The following SNX29 variants were observed in gnomAD, a reference collection of about 807,000 sequenced individuals.
The protein encoded by SNX29 is sorting nexin-29.
SNX29 carries 78 observed loss-of-function variants against 102.1 expected under a neutral mutation model. That is an observed-to-expected ratio of 0.76 (90% CI 0.64 to 0.92). SNX29 has a LOEUF of 0.92. Ranked by LOEUF, SNX29 falls within the 40% of genes least tolerant of loss-of-function variation. The pLI, the probability that SNX29 is intolerant of heterozygous loss-of-function variation, is 0.00. For synonymous variants in SNX29, 580 were observed against 414.5 expected (o/e 1.40, Z -4.85); for missense variants, 1,280 against 1,061.7 (o/e 1.21, Z -2.86).
chr16:12,212,466 G>A (rs1182442768), intron 14 of SNX29, among the ~76,000 whole-genome samples: 3 of 150,738 alleles, frequency 2.0e-5, no homozygotes, highest in East Asian at 1.9e-4. Flanking sequence ...GAACTGGAGC[G>A]GGAAAGGCAG....
At chr16:12,186,346 G>T (rs1348735673) in intron 13 of SNX29, among the ~76,000 whole-genome samples, 1 of 152,120 alleles carries the variant, frequency 6.6e-6, no homozygotes, top group African/African-American at 2.4e-5. Flanking sequence ...CTCTATTGGA[G>T]ACAGATTTAT....
intron 20 of SNX29, among the ~76,000 whole-genome samples, chr16:12,567,917 C>G (rs550631533): frequency 4.6e-5 from 7 of 152,316 alleles, no homozygotes; most frequent in Admixed American, 2.0e-4. Context: ...GGGACCCACA[C>G]ACGCTGTGTG....
In SNX29 at chr16:12,568,678, C is replaced by G. The variant is rs778943634; in HGVS notation, c.*49C>G. 2 of 1,583,638 alleles carry G rather than the reference C, an allele frequency of 1.3e-6. No homozygotes were observed. The highest frequency in any genetic ancestry group is 2.2e-5 in the South Asian group (2 of 89,714). Reference sequence around the variant, plus strand: ...GCCCTGTGCGTGGCACCAGCTGCGTCCACCCCAGCCACTGCCGCTGGCCCC... The same window carrying G: ...GCCCTGTGCGTGGCACCAGCTGCGTGCACCCCAGCCACTGCCGCTGGCCCC... On this transcript the variant is annotated 3_prime_UTR_variant, in exon 21 of 21. Transcript: ENST00000566228.
intron 16 of SNX29, among the ~76,000 whole-genome samples, chr16:12,393,285 C>G (rs1399506874): frequency 6.6e-6 from 1 of 150,926 alleles, no homozygotes; most frequent in African/African-American, 2.5e-5. Context: ...TGTCTCCAAA[C>G]TAACTTATCC....
chr16:12,461,681 G>C (rs79493164), intron 18 of SNX29, among the ~76,000 whole-genome samples: 2 of 151,724 alleles, frequency 1.3e-5, no homozygotes, highest in Non-Finnish European at 2.9e-5. Flanking sequence ...GGCTGGCCAG[G>C]TGCCATTGCT....
At chr16:12,365,455 C>T (rs568233385) in intron 16 of SNX29, among the ~76,000 whole-genome samples, 9 of 151,082 alleles carry the variant, frequency 6.0e-5, no homozygotes, top group African/African-American at 1.2e-4. Flanking sequence ...TTTGGGAGGC[C>T]GAGGCAGGAG....
rs919495096 is a variant in SNX29 at position 12,064,227 on chromosome 16, G to A, written c.1243+2581G>A. 6.6e-5 allele frequency among the ~76,000 whole-genome samples: 10 copies of A among 152,028 alleles called. No homozygotes were observed. The South Asian group carries it at 1.2e-3, about 19-fold the overall frequency. ...AGACATCCGGGTCAGCTCCTTTGCC[G>A]CTTAGCTGGGCCTCCTGAACCATCA... On this transcript the variant is annotated intron_variant, in intron 9 of 20. Coordinates refer to ENST00000566228, the MANE Select transcript of SNX29 (RefSeq NM_032167.5).
chr16:12,223,045 C>G (rs867670437), intron 14 of SNX29, among the ~76,000 whole-genome samples: 5 of 152,174 alleles, frequency 3.3e-5, no homozygotes, highest in African/African-American at 1.2e-4. Context: ...GACTCTGGCT[C>G]TTGTCTCCTT....
intron 3 of SNX29, among the ~76,000 whole-genome samples, chr16:12,005,915 A>T (rs2056435994): frequency 6.6e-6 from 1 of 152,238 alleles, no homozygotes; most frequent in African/African-American, 2.4e-5. Flanking sequence ...AGGAATACTG[A>T]ACCTATATAA....
intron 14 of SNX29, among the ~76,000 whole-genome samples, chr16:12,217,891 C>T (rs1279475189): frequency 5.3e-5 from 8 of 152,180 alleles, no homozygotes; most frequent in Non-Finnish European, 1.2e-4. Flanking sequence ...ACAGTAGATC[C>T]AGGCTTGTGA....
At chr16:12,366,251 G>T (rs2082476969) in intron 16 of SNX29, among the ~76,000 whole-genome samples, 1 of 152,036 alleles carries the variant, frequency 6.6e-6, no homozygotes, top group South Asian at 2.1e-4. Flanking sequence ...TTCTCCAAAG[G>T]GATGGGCTAG....
At chr16:12,016,674 T>C (rs2056858078) in intron 3 of SNX29, among the ~76,000 whole-genome samples, 1 of 152,242 alleles carries the variant, frequency 6.6e-6, no homozygotes, top group Non-Finnish European at 1.5e-5. Flanking sequence ...TGACTAATGA[T>C]GTTGGACATC....
At chr16:12,364,408 C>T (rs57739236) in intron 16 of SNX29, among the ~76,000 whole-genome samples, 7,855 of 118,378 alleles carry the variant, frequency 0.066, 333 homozygotes, top group African/African-American at 0.12. Context: ...GAATTTTTCT[C>T]TCTTCTTCTT....
At chr16:12,557,170 T>G (rs1018242029) in intron 20 of SNX29, 1 of 152,136 alleles carries the variant, frequency 6.6e-6, no homozygotes, top group Non-Finnish European at 1.5e-5. Context: ...TTTGGCTATG[T>G]TCAAGGTAGA....
At chr16:12,322,329 A>G (rs552874997) in intron 15 of SNX29, among the ~76,000 whole-genome samples, 1 of 152,232 alleles carries the variant, frequency 6.6e-6, no homozygotes, top group South Asian at 2.1e-4. Context: ...ATCAGGGGCT[A>G]TCGCAAGAGA....
intron 11 of SNX29, among the ~76,000 whole-genome samples, chr16:12,104,968 G>A (rs934059317): frequency 6.6e-6 from 1 of 152,216 alleles, no homozygotes; most frequent in African/African-American, 2.4e-5. Context: ...GATTTGAAGA[G>A]TTGGCTCCAA....
At chr16:12,089,040 C>G (rs1449080492) in intron 11 of SNX29, among the ~76,000 whole-genome samples, 1 of 151,062 alleles carries the variant, frequency 6.6e-6, no homozygotes, top group Non-Finnish European at 1.5e-5. Context: ...GAGCCAAGAT[C>G]ATACCACTGC....
chr16:12,299,779 A>AT (rs61233917), intron 15 of SNX29, among the ~76,000 whole-genome samples: 2,385 of 131,296 alleles, frequency 0.018, 32 homozygotes, highest in Non-Finnish European at 0.03. Context: ...CAAATTTCGA[A>AT]TTTTTTTTTT....
At chr16:12,172,069 A>C (rs981953092) in intron 13 of SNX29, among the ~76,000 whole-genome samples, 1 of 152,180 alleles carries the variant, frequency 6.6e-6, no homozygotes, top group Non-Finnish European at 1.5e-5. Context: ...AAAAGCTTTG[A>C]GTCTTTATTC....
Sources: allele counts gnomAD v4.1 joint callset (sites outside exome capture counted in the v4.1 genomes callset), GRCh38; gene constraint gnomAD v4.1.1; transcripts MANE v1.5; gene names NCBI Gene and HGNC (gene_info 2026-07-23, HGNC 2026-07-21).